The following MERTK variants were observed in gnomAD, a reference collection of about 807,000 sequenced individuals.
The protein encoded by MERTK is tyrosine-protein kinase Mer.
In MERTK, 69 loss-of-function variants were observed where a neutral mutation model predicts 99.3. The observed-to-expected ratio is 0.70, with a 90% CI of 0.57 to 0.85. The LOEUF is 0.85. Among genes scored for constraint, MERTK ranks in the 40% least tolerant of loss-of-function variants. MERTK has a pLI of 0.00. For missense variants in MERTK, 1,125 were observed against 1,249.4 expected (o/e 0.90, Z 1.50); for synonymous variants, 426 against 467.6 (o/e 0.91, Z 1.15).
intron 4 of MERTK, among the ~76,000 whole-genome samples, chr2:111,955,035 C>T (rs1037878835): frequency 6.6e-6 from 1 of 151,886 alleles, no homozygotes; most frequent in Non-Finnish European, 1.5e-5. Context: ...AGAGTAGCTG[C>T]CCCTGACATG....
intron 4 of MERTK, among the ~76,000 whole-genome samples, chr2:111,951,383 A>G (rs1409379155): frequency 6.6e-6 from 1 of 151,460 alleles, no homozygotes; most frequent in Non-Finnish European, 1.5e-5. Context: ...ACTTTTTTAG[A>G]TTGCACATGT....
At chr2:111,961,822 G>A (rs540362736) in intron 4 of MERTK, among the ~76,000 whole-genome samples, 5 of 152,296 alleles carry the variant, frequency 3.3e-5, no homozygotes, top group Non-Finnish European at 5.9e-5. Context: ...TTTCTACAGC[G>A]TCTCTCAGTC....
At chr2:111,915,049 T>C (rs1684325422) in intron 1 of MERTK, among the ~76,000 whole-genome samples, 1 of 152,222 alleles carries the variant, frequency 6.6e-6, no homozygotes, top group Non-Finnish European at 1.5e-5. Context: ...TTTAAAAAAT[T>C]ATGAATTCAA....
At chr2:112,007,816 A>G (rs530294452) in intron 13 of MERTK, among the ~76,000 whole-genome samples, 6 of 152,086 alleles carry the variant, frequency 3.9e-5, no homozygotes, top group Admixed American at 1.3e-4. Flanking sequence ...TATAATTGCA[A>G]CAGATCAGTT....
chr2:112,004,098 T>C (rs1042324212), intron 13 of MERTK, 114 bp downstream of exon 13: 2 of 852,330 alleles, frequency 2.3e-6, no homozygotes, highest in African/African-American at 3.3e-5. Context: ...GAAGGCAATG[T>C]GGAACACTGG....
chr2:111,914,467 C>T (rs1431781195), intron 1 of MERTK, among the ~76,000 whole-genome samples: 4 of 151,958 alleles, frequency 2.6e-5, no homozygotes, highest in African/African-American at 9.7e-5. Flanking sequence ...TTAGTAGAGA[C>T]AGGGTTTCAC....
chr2:111,965,274 A>C lies in MERTK; in HGVS notation c.841A>C (p.Lys281Gln), dbSNP rs776211902. The change falls in exon 5 of 19, where the codon AAA (lysine) becomes CAA (glutamine). Residue 281 changes from lysine (K) to glutamine (Q), a missense_variant. Lys to Gln is a moderately conservative substitution (Grantham distance 53). Transcript: ENST00000295408. Reference sequence around the variant, plus strand: ...GTCCAAGGGAGTGCAGATCAACATCAAAGGTAAGCAGCAAGGCTAGGCTCC... The same window carrying C: ...GTCCAAGGGAGTGCAGATCAACATCCAAGGTAAGCAGCAAGGCTAGGCTCC... Reference protein sequence around the residue: ...TVSKGVQINIKAIPSPPTEVS... With the variant: ...TVSKGVQINIQAIPSPPTEVS... The C allele has an allele frequency of 6.2e-7, 1 of 1,614,118 alleles. No individual in the cohort carries two copies. Among genetic ancestry groups the C allele is most frequent in the Non-Finnish European group, 8.5e-7 (1 of 1,179,972 alleles).
intron 1 of MERTK, among the ~76,000 whole-genome samples, chr2:111,914,097 CTTTCTTTTTT>C (rs1388081459): frequency 6.8e-4 from 80 of 117,404 alleles, no homozygotes; most frequent in Middle Eastern, 8.5e-3. Flanking sequence ...TTCTTTCTTT[CTTTCTTTTTT>C]TTTTTTTTTT....
intron 17 of MERTK, 100 bp downstream of exon 17, chr2:112,021,681 A>G: frequency 8.7e-7 from 1 of 1,145,810 alleles, no homozygotes; most frequent in South Asian, 1.2e-5. Flanking sequence ...TTACTCTTTG[A>G]TAAACTGAGG....
At chr2:111,905,014 C>T (rs1017702896) in intron 1 of MERTK, among the ~76,000 whole-genome samples, 9 of 152,194 alleles carry the variant, frequency 5.9e-5, no homozygotes, top group African/African-American at 1.9e-4. Flanking sequence ...TGCCTCCAGC[C>T]GAAGTGCTAA....
chr2:111,945,074 C>G lies in MERTK; in HGVS notation c.583+14C>G, dbSNP rs1288891907. 14 of 1,585,466 alleles carry G rather than the reference C, an allele frequency of 8.8e-6. No homozygotes were observed. Among genetic ancestry groups the G allele is most frequent in the Non-Finnish European group, 1.2e-5 (14 of 1,154,524 alleles). On this transcript the variant is annotated intron_variant, in intron 3 of 18. Coordinates refer to ENST00000295408, the MANE Select transcript of MERTK (RefSeq NM_006343.3). ...TCGAAGTACAAGGTAAGTCCACAGA[C>G]CAGAGTCCCATTGCCAGAGAACTGT... is the stretch of plus-strand genomic sequence containing the variant.
At chr2:111,911,383 T>G (rs918930818) in intron 1 of MERTK, among the ~76,000 whole-genome samples, 13 of 152,070 alleles carry the variant, frequency 8.5e-5, no homozygotes, top group Non-Finnish European at 1.6e-4. Context: ...CTCCTTTTGT[T>G]TTTTTGTTTT....
At chr2:111,937,275 T>C (rs1426765191) in intron 2 of MERTK, among the ~76,000 whole-genome samples, 3 of 147,246 alleles carry the variant, frequency 2.0e-5, no homozygotes, top group East Asian at 1.9e-4. Context: ...TAGGACCCCA[T>C]TGCTACAAAA....
intron 8 of MERTK, among the ~76,000 whole-genome samples, chr2:111,990,090 G>C (rs1676584547): frequency 6.6e-6 from 1 of 152,140 alleles, no homozygotes; most frequent in African/African-American, 2.4e-5. Context: ...GCGCCTGTGT[G>C]CATCTGATTT....
intron 2 of MERTK, among the ~76,000 whole-genome samples, chr2:111,944,115 A>G (rs1014810369): frequency 2.0e-5 from 3 of 152,182 alleles, no homozygotes; most frequent in African/African-American, 7.2e-5. Context: ...CCTGGCCAAC[A>G]TGGCAAATCC....
At chr2:111,901,869 A>G (rs1356469627) in intron 1 of MERTK, among the ~76,000 whole-genome samples, 1 of 151,194 alleles carries the variant, frequency 6.6e-6, no homozygotes, top group African/African-American at 2.4e-5. Flanking sequence ...ACAATTTTTA[A>G]AAAATTAACA....
At chr2:112,007,497 A>G (rs958397710) in intron 13 of MERTK, among the ~76,000 whole-genome samples, 7 of 152,064 alleles carry the variant, frequency 4.6e-5, no homozygotes, top group Non-Finnish European at 8.8e-5. Flanking sequence ...ACACCTACCG[A>G]ACAATGACTC....
rs138212927 is a variant in MERTK at position 111,990,684 on chromosome 2, G to A, written c.1297-3567G>A. On this transcript the variant is annotated intron_variant, in intron 8 of 18. Coordinates refer to ENST00000295408, the MANE Select transcript of MERTK (RefSeq NM_006343.3). The stretch of plus-strand genomic sequence containing the variant: ...CAGATTGTGGATTCTTTCTGATTTT[G>A]GAATATTTGCATTATATTTACCAGT... Among the ~76,000 whole-genome samples the A allele has an allele frequency of 2.0e-5, 3 of 152,174 alleles. No individual in the cohort carries two copies. The East Asian group carries it at 5.8e-4, about 29-fold the overall frequency.
chr2:111,905,685 T>A (rs754573324), intron 1 of MERTK, among the ~76,000 whole-genome samples: 13 of 152,080 alleles, frequency 8.5e-5, no homozygotes, highest in Non-Finnish European at 1.8e-4. Flanking sequence ...GCCTGGCTGG[T>A]CTCGAACTCC....
Sources: allele counts gnomAD v4.1 joint callset (sites outside exome capture counted in the v4.1 genomes callset), GRCh38; gene constraint gnomAD v4.1.1; transcripts MANE v1.5; gene names NCBI Gene and HGNC (gene_info 2026-07-23, HGNC 2026-07-21).